Variants in TNC observed in about 807,000 individuals in gnomAD.
The protein encoded by TNC is tenascin C.
TNC carries 109 observed loss-of-function variants against 202.4 expected under a neutral mutation model. That is an observed-to-expected ratio of 0.54 (90% CI 0.46 to 0.63). The LOEUF is 0.63. Ranked by LOEUF, TNC falls within the 30% of genes least tolerant of loss-of-function variation. The pLI, the probability that TNC is intolerant of heterozygous loss-of-function variation, is 0.00. For missense variants in TNC, 2,756 were observed against 2,833.3 expected (o/e 0.97, Z 0.62); for synonymous variants, 1,007 against 1,089.7 (o/e 0.92, Z 1.50).
intron 15 of TNC, among the ~76,000 whole-genome samples, chr9:115,050,298 T>C (rs1400761730): frequency 6.6e-6 from 1 of 152,286 alleles, no homozygotes; most frequent in South Asian, 2.1e-4. Flanking sequence ...TTTCACATCA[T>C]GGATTAGCTG....
In TNC at chr9:115,020,566, A is replaced by AT; in HGVS notation, c.*590_*591insA. ...TACTTGTGCTTTTATTTAAAAAAAA[A>AT]ATACAATCAGGTACTGTCCAGAAAT... On this transcript the variant is annotated 3_prime_UTR_variant, in exon 28 of 28. Transcript: ENST00000350763. 3.7e-6 allele frequency: 1 copy of AT among 272,274 alleles called. No homozygotes were observed. 16.9% of individuals were successfully genotyped at this position (272,274 alleles called of 1,614,324 possible). A position where few individuals can be genotyped will look rare whatever the true frequency, so the allele number is the denominator to read the frequency against.
At chr9:115,054,150 A>G (rs1366056223) in intron 15 of TNC, among the ~76,000 whole-genome samples, 1 of 152,206 alleles carries the variant, frequency 6.6e-6, no homozygotes, top group Non-Finnish European at 1.5e-5. Flanking sequence ...AAGAGGCACA[A>G]TATTTCTTCC....
chr9:115,111,630 C>T (rs1219615583), intron 1 of TNC, among the ~76,000 whole-genome samples: 3 of 151,764 alleles, frequency 2.0e-5, no homozygotes, highest in Admixed American at 6.6e-5. Flanking sequence ...AGGCTGGTCT[C>T]GAACTCCTAA....
At position 115,048,533 on chromosome 9, in the gene TNC, C is replaced by CTGAAAGAAGGGAGGAG; in HGVS notation, c.4580-17_4580-2dup. The CTGAAAGAAGGGAGGAG allele has an allele frequency of 6.2e-7, 1 of 1,609,074 alleles. No homozygotes were observed. The stretch of plus-strand genomic sequence containing the variant: ...AGGTTTTCCAGAAGGGGCAGGGCCT[C>CTGAAAGAAGGGAGGAG]TGAAAGAAGGGAGGAGTGAAAATAA... On this transcript the variant is annotated splice_acceptor_variant, in intron 15 of 27. Coordinates refer to ENST00000350763, the MANE Select transcript of TNC (RefSeq NM_002160.4). LOFTEE classifies it high-confidence loss of function.
At chr9:115,067,249 C>T in intron 10 of TNC, among the ~76,000 whole-genome samples, 1 of 152,264 alleles carries the variant, frequency 6.6e-6, no homozygotes, top group Admixed American at 6.5e-5. Flanking sequence ...TTTCAGCAGT[C>T]CTGATACAGA....
intron 15 of TNC, among the ~76,000 whole-genome samples, chr9:115,051,444 C>G (rs370072319): frequency 2.6e-5 from 4 of 152,132 alleles, no homozygotes; most frequent in African/African-American, 9.6e-5. Context: ...AAAGCCAACC[C>G]CAATCAGTGA....
intron 1 of TNC, among the ~76,000 whole-genome samples, chr9:115,103,045 AT>A (rs1836354315): frequency 1.3e-5 from 2 of 152,194 alleles, no homozygotes; most frequent in Non-Finnish European, 2.9e-5. Flanking sequence ...CAGTTCTGTA[AT>A]TAGTTCGTTT....
chr9:115,102,835 A>G (rs1354607241), intron 1 of TNC, among the ~76,000 whole-genome samples: 1 of 152,252 alleles, frequency 6.6e-6, no homozygotes. Context: ...TTTATCTAGA[A>G]CATAGTAAAT....
intron 1 of TNC, among the ~76,000 whole-genome samples, chr9:115,107,685 A>G (rs1836722312): frequency 6.6e-6 from 1 of 152,192 alleles, no homozygotes; most frequent in South Asian, 2.1e-4. Flanking sequence ...GTGGTTCTAA[A>G]ATGTCTGCTT....
At chr9:115,077,345 T>G (rs374495187) in intron 7 of TNC, among the ~76,000 whole-genome samples, 1 of 152,246 alleles carries the variant, frequency 6.6e-6, no homozygotes, top group Middle Eastern at 3.4e-3. Context: ...CGTGAGCCAC[T>G]GCGCCTGACC....
rs759427380 is a variant in TNC at position 115,090,706 on chromosome 9, T to G, written c.313A>C (p.Asn105His). Residue 105 changes from asparagine to histidine, a missense_variant, in exon 2 of 28, where the codon AAC (asparagine) becomes CAC (histidine). Physicochemically the swap from Asn to His is moderately conservative, Grantham distance 68. Transcript: ENST00000350763. Reference protein sequence around the residue: ...ENQIVFTHRINIPRRACGCAA... With the variant: ...ENQIVFTHRIHIPRRACGCAA... ...CAGCCACAGGCCCGGCGGGGGATGT[T>G]GATGCGATGTGTGAAGACAATCTGG... 3 of 1,614,048 alleles carry G rather than the reference T, an allele frequency of 1.9e-6. No individual in the cohort carries two copies. The highest frequency in any genetic ancestry group is 2.5e-6 in the Non-Finnish European group (3 of 1,179,992).
At chr9:115,056,724 A>C (rs16932154) in intron 15 of TNC, among the ~76,000 whole-genome samples, 8,189 of 152,270 alleles carry the variant, frequency 0.054, 306 homozygotes, top group East Asian at 0.11. Flanking sequence ...AATCACTGGG[A>C]TATTTGGGTA....
chr9:115,105,767 T>C (rs912602600), intron 1 of TNC, among the ~76,000 whole-genome samples: 1 of 152,190 alleles, frequency 6.6e-6, no homozygotes, highest in Non-Finnish European at 1.5e-5. Flanking sequence ...GGGAAAAAGA[T>C]TTCCTAATTA....
At chr9:115,067,045 A>G (rs569627219) in intron 10 of TNC, among the ~76,000 whole-genome samples, 4 of 152,332 alleles carry the variant, frequency 2.6e-5, no homozygotes, top group African/African-American at 9.6e-5. Flanking sequence ...CCACCTAAAC[A>G]TGGTCTTTAT....
intron 13 of TNC, 38 bp downstream of exon 13, chr9:115,062,879 T>C: frequency 6.3e-7 from 1 of 1,589,732 alleles, no homozygotes; most frequent in Middle Eastern, 2.0e-4. Flanking sequence ...ACATGCTGGC[T>C]CCTATCATGT....
Position 115,090,766 on chromosome 9 carries a change from C to G in TNC, c.253G>C (p.Glu85Gln). 1 of 1,614,216 alleles carries G rather than the reference C, an allele frequency of 6.2e-7. No homozygotes were observed. Among genetic ancestry groups the G allele is most frequent in the Non-Finnish European group, 8.5e-7 (1 of 1,180,028 alleles). ...TCCACTGTGTGCTCCTGAAAGCTTT[C>G]GCTGGGCTCTGAAGGCGGTGCCAGG... is the stretch of plus-strand genomic sequence containing the variant. ...KDLAPPSEPS[E>Q]SFQEHTVDGE... Residue 85 changes from glutamate to glutamine, a missense_variant, in exon 2 of 28, where the codon GAA (glutamate) becomes CAA (glutamine). Transcript: ENST00000350763.
chr9:115,096,471 T>G (rs1835800781), intron 1 of TNC, among the ~76,000 whole-genome samples: 1 of 152,196 alleles, frequency 6.6e-6, no homozygotes, highest in East Asian at 1.9e-4. Context: ...TGAGCAGTAC[T>G]GGTTTAGAGG....
At chr9:115,049,263 C>A (rs914798707) in intron 15 of TNC, among the ~76,000 whole-genome samples, 1 of 152,138 alleles carries the variant, frequency 6.6e-6, no homozygotes, top group African/African-American at 2.4e-5. Context: ...ATTCTGATTT[C>A]TCAGGTGCTA....
rs1203089948 is a variant in TNC, at chr9:115,077,934, G to A, written c.2674+9C>T. The A allele has an allele frequency of 1.2e-6, 2 of 1,612,092 alleles. No homozygotes were observed. The highest frequency in any genetic ancestry group is 2.2e-5 in the East Asian group (1 of 44,822). On this transcript the variant is annotated intron_variant, in intron 7 of 27. Transcript: ENST00000350763. ...TTACTATATCTGTTAACAGGGGGAG[G>A]CCTTTTACCTGTTGTGAAGGTCTCT...
Sources: allele counts gnomAD v4.1 joint callset (sites outside exome capture counted in the v4.1 genomes callset), GRCh38; gene constraint gnomAD v4.1.1; transcripts MANE v1.5; gene names NCBI Gene and HGNC (gene_info 2026-07-23, HGNC 2026-07-21).